The following DNAJC11 variants were observed in gnomAD, a reference collection of about 807,000 sequenced individuals.
The protein encoded by DNAJC11 is dnaJ homolog subfamily C member 11.
DNAJC11 carries 15 observed loss-of-function variants against 78.6 expected under a neutral mutation model. The observed-to-expected ratio is 0.19, with a 90% CI of 0.13 to 0.29. The LOEUF is 0.29. DNAJC11 is among the 10% of genes least tolerant of loss of function. The probability of loss-of-function intolerance (pLI) is 1.00; values close to 1 mark genes in which losing one functional copy is unlikely to be tolerated. For synonymous variants in DNAJC11, 292 were observed against 272.1 expected (o/e 1.07, Z -0.72); for missense variants, 547 against 709.6 (o/e 0.77, Z 2.60).
At chr1:6,689,691 GC>G in intron 1 of DNAJC11, among the ~76,000 whole-genome samples, 1 of 151,828 alleles carries the variant, frequency 6.6e-6, no homozygotes, top group South Asian at 2.1e-4. Context: ...CAGGAGAATT[GC>G]TTGAACCCAG....
intron 1 of DNAJC11, among the ~76,000 whole-genome samples, chr1:6,700,520 G>T (rs981455032): frequency 6.6e-6 from 1 of 152,166 alleles, no homozygotes; most frequent in African/African-American, 2.4e-5. Context: ...CAGACTGCCT[G>T]GGTTGAGTTC....
Position 6,645,703 on chromosome 1 carries a change from G to T in DNAJC11, c.894+86C>A. ...GCTTAGACTTAGTGGTGATCAGGAC[G>T]CAGGATTTAAGGGGAGCACTGAGTG... On this transcript the variant is annotated intron_variant, in intron 8 of 15. Transcript: ENST00000377577. The surrounding 1 kb of genome is among the most constrained non-coding windows in gnomAD (Gnocchi z 4.1). The T allele has an allele frequency of 2.0e-6, 3 of 1,472,044 alleles. No individual in the cohort carries two copies. The highest frequency in any genetic ancestry group is 2.8e-6 in the Non-Finnish European group (3 of 1,068,260). The allele number at this position is 1,472,044 out of a possible 1,614,324, so 91.2% of individuals were successfully genotyped here.
At chr1:6,644,154 G>T (rs760176941) in intron 10 of DNAJC11, among the ~76,000 whole-genome samples, 1 of 151,132 alleles carries the variant, frequency 6.6e-6, no homozygotes, top group East Asian at 2.0e-4. Flanking sequence ...TTTTTGAGAC[G>T]GAGTCTCACT....
chr1:6,643,369 G>A (rs540388887), intron 10 of DNAJC11, among the ~76,000 whole-genome samples: 11 of 150,366 alleles, frequency 7.3e-5, no homozygotes, highest in South Asian at 2.1e-4. Flanking sequence ...TCTGCCTCCC[G>A]GGTTCACACC....
intron 3 of DNAJC11, among the ~76,000 whole-genome samples, chr1:6,676,407 C>T (rs559784582): frequency 2.0e-5 from 3 of 152,246 alleles, no homozygotes; most frequent in African/African-American, 7.2e-5. Context: ...AGGCTGGGTG[C>T]GGTGGCTCAC....
intron 7 of DNAJC11, chr1:6,651,276 G>A (rs1642051232): frequency 1.5e-6 from 1 of 657,058 alleles, no homozygotes; most frequent in Non-Finnish European, 2.9e-6. Context: ...TGTGGCATAG[G>A]TAAGGGAGGT....
At chr1:6,638,207 T>G in intron 12 of DNAJC11, 88 bp downstream of exon 12, 1 of 1,340,904 alleles carries the variant, frequency 7.5e-7, no homozygotes, top group South Asian at 1.4e-5. Context: ...AGAAGAGAAG[T>G]CTGACCTCTA....
chr1:6,682,678 A>G (rs1246918457), intron 1 of DNAJC11, among the ~76,000 whole-genome samples: 1 of 152,198 alleles, frequency 6.6e-6, no homozygotes, highest in Non-Finnish European at 1.5e-5. Flanking sequence ...GTGTAGACCT[A>G]GCACTTTGGG....
At position 6,637,345 on chromosome 1, in the gene DNAJC11, G is replaced by A. The variant is rs373179186; in HGVS notation, c.1382-5C>T. On this transcript the variant is annotated splice_polypyrimidine_tract_variant and splice_region_variant and intron_variant, in intron 13 of 15. Transcript: ENST00000377577. ...AGGCATTGACGATGATGAGGCCTAA[G>A]GACAGACTCCGAGTAGAGGAAGGCC... The A allele has an allele frequency of 2.6e-5, 42 of 1,614,080 alleles. No homozygotes were observed. In the African/African-American group the frequency reaches 5.1e-4, roughly 19 times the overall value.
intron 3 of DNAJC11, chr1:6,668,136 C>CTTTCTTTTT (rs200171486): frequency 0.011 from 2,979 of 277,212 alleles, 84 homozygotes; most frequent in African/African-American, 0.061. Flanking sequence ...TTATGAATTT[C>CTTTCTTTTT]TTTCTTTTTT....
chr1:6,687,063 T>G (rs892081752), intron 1 of DNAJC11, among the ~76,000 whole-genome samples: 1 of 152,262 alleles, frequency 6.6e-6, no homozygotes, highest in Non-Finnish European at 1.5e-5. Flanking sequence ...GTGTTTATTA[T>G]GATAGTTGGT....
chr1:6,678,897 C>T (rs1642512282), intron 2 of DNAJC11, among the ~76,000 whole-genome samples: 2 of 152,134 alleles, frequency 1.3e-5, no homozygotes, highest in South Asian at 4.1e-4. Flanking sequence ...GATTCTCTTG[C>T]CTTGGCCTTG....
At chr1:6,635,819 C>T (rs908156158) in intron 15 of DNAJC11, 119 bp from the exon 16 acceptor site, 1 of 1,253,348 alleles carries the variant, frequency 8.0e-7, no homozygotes, top group African/African-American at 1.5e-5. Context: ...CGAGGCAGAG[C>T]ACCCGCTGCT....
At chr1:6,696,545 T>A (rs1290752897) in intron 1 of DNAJC11, among the ~76,000 whole-genome samples, 6 of 152,202 alleles carry the variant, frequency 3.9e-5, no homozygotes, top group African/African-American at 7.2e-5. Flanking sequence ...TGGGCCTCAC[T>A]CTGTGGCTGT....
At chr1:6,696,163 T>G (rs1642832512) in intron 1 of DNAJC11, among the ~76,000 whole-genome samples, 2 of 152,256 alleles carry the variant, frequency 1.3e-5, no homozygotes, top group East Asian at 3.8e-4. Context: ...CACATTTAAC[T>G]GGAGTCATTA....
At chr1:6,691,996 AAGC>A (rs1642753646) in intron 1 of DNAJC11, among the ~76,000 whole-genome samples, 1 of 152,226 alleles carries the variant, frequency 6.6e-6, no homozygotes, top group Admixed American at 6.5e-5. Context: ...GGTTAATAAA[AAGC>A]AGACAATAAA....
intron 10 of DNAJC11, among the ~76,000 whole-genome samples, chr1:6,641,688 A>T (rs1641880832): frequency 6.6e-6 from 1 of 152,022 alleles, no homozygotes; most frequent in Non-Finnish European, 1.5e-5. Context: ...TGAGCCTTCA[A>T]ATATTATCTG....
chr1:6,664,564 C>T (rs1642267634), intron 4 of DNAJC11, among the ~76,000 whole-genome samples: 1 of 152,184 alleles, frequency 6.6e-6, no homozygotes, highest in Non-Finnish European at 1.5e-5. Flanking sequence ...AATCCCAACT[C>T]ACAGGTCCCA....
chr1:6,662,578 G>A (rs556064766), intron 4 of DNAJC11, among the ~76,000 whole-genome samples: 31 of 152,220 alleles, frequency 2.0e-4, no homozygotes, highest in Non-Finnish European at 3.7e-4. Flanking sequence ...GCGCTCTGTC[G>A]CTAGAGGGTT....
Sources: gnomAD v4.1 joint callset for allele counts (sites outside exome capture counted in the v4.1 genomes callset) on GRCh38, gnomAD v4.1.1 for gene constraint, Gnocchi (gnomAD v3.1) non-coding constraint, MANE v1.5 for transcripts, NCBI Gene and HGNC (gene_info 2026-07-23, HGNC 2026-07-21) for gene names.